Variants in POLA1 observed in about 807,000 individuals in gnomAD.
POLA1 encodes the protein DNA polymerase alpha 1, catalytic subunit, also known as DNA polymerase alpha catalytic subunit.
In POLA1, 15 loss-of-function variants were observed where a neutral mutation model predicts 124.0. The ratio of observed to expected loss-of-function variants is 0.12; its 90% CI spans 0.08 to 0.19. POLA1 has a LOEUF of 0.19. POLA1 is among the 10% of genes least tolerant of loss of function. The pLI is 1.00. For synonymous variants in POLA1, 408 were observed against 389.4 expected, an observed-to-expected ratio of 1.05 and a Z score of -0.56; for missense variants, 886 against 1,103.4, an observed-to-expected ratio of 0.80 and a Z score of 2.79.
chrX:24,857,977 A>G (rs185495098), intron 34 of POLA1, among the ~76,000 whole-genome samples: 2 of 111,976 alleles, frequency 1.8e-5, no homozygotes, highest in African/African-American at 6.5e-5. Context: ...ACCATGTGCT[A>G]TATATGAGAA....
Position 24,951,648 on chromosome X carries a change from A to G in POLA1, c.4261+21099A>G, listed in dbSNP as rs187685347. ...CCATTTCTTGTTATTTTAAAAATGT[A>G]TTTCTGTGTCCCTATAAGGGTCTTC... On this transcript the variant is annotated intron_variant, in intron 36 of 36. Coordinates refer to ENST00000379068, the MANE Select transcript of POLA1 (RefSeq NM_001330360.2). 7.2e-5 allele frequency among the ~76,000 whole-genome samples: 8 copies of G among 111,112 alleles called. No homozygotes were observed. The East Asian group carries it at 2.3e-3, about 31-fold the overall frequency.
chrX:24,807,304 G>C (rs553741158), intron 26 of POLA1, among the ~76,000 whole-genome samples: 1 of 112,249 alleles, frequency 8.9e-6, no homozygotes, highest in Admixed American at 9.4e-5. Flanking sequence ...TTACGTTATG[G>C]TGTTGTCCAT....
At chrX:24,969,674 G>C (rs767698923) in intron 36 of POLA1, among the ~76,000 whole-genome samples, 1 of 110,832 alleles carries the variant, frequency 9.0e-6, no homozygotes, top group Admixed American at 9.6e-5. Flanking sequence ...TTTAAGTTCA[G>C]GGGTGTATGT....
intron 26 of POLA1, among the ~76,000 whole-genome samples, chrX:24,800,403 T>C (rs888547884): frequency 2.7e-5 from 3 of 111,968 alleles, no homozygotes; most frequent in Admixed American, 9.5e-5. Context: ...TAATACCTAC[T>C]GCTCCAGTTT....
At chrX:24,798,766 CT>C (rs1180123948) in intron 26 of POLA1, among the ~76,000 whole-genome samples, 1 of 111,224 alleles carries the variant, frequency 9.0e-6, no homozygotes, top group African/African-American at 3.3e-5. Context: ...ATTGGTGCCC[CT>C]AACCTCCGCA....
At chrX:24,972,266 T>C (rs1229628840) in intron 36 of POLA1, among the ~76,000 whole-genome samples, 2 of 112,312 alleles carry the variant, frequency 1.8e-5, no homozygotes, top group Non-Finnish European at 3.8e-5. Context: ...CCACCGGGCC[T>C]GGCCGGAGGA....
chrX:24,866,504 A>G (rs1055185275), intron 34 of POLA1, among the ~76,000 whole-genome samples: 2 of 111,976 alleles, frequency 1.8e-5, no homozygotes, highest in Non-Finnish European at 3.8e-5. Flanking sequence ...TTGAAACTTC[A>G]CTTCTGTTTA....
chrX:24,707,271 C>G (rs997717211), intron 4 of POLA1, among the ~76,000 whole-genome samples: 5 of 112,142 alleles, frequency 4.5e-5, no homozygotes, highest in African/African-American at 1.3e-4. Flanking sequence ...TTTTTGTCAG[C>G]TGTAAATTAG....
In POLA1 at chrX:24,718,264, G is replaced by A. The variant is rs1929979911; in HGVS notation, c.1087+506G>A. On this transcript the variant is annotated intron_variant, in intron 10 of 36. Transcript: ENST00000379068. ...ATGGAGCTTATGTTCTAGGAGGGTG[G>A]CAGTGGGTGGGGGCACATTAGCAGT... Among the ~76,000 whole-genome samples the A allele has an allele frequency of 2.7e-5, 3 of 111,828 alleles. No homozygotes were observed. In the Admixed American group the frequency reaches 2.9e-4, roughly 11 times the overall value.
rs764618354 is a variant in POLA1, at chrX:24,947,246, C to CTTTTTTT, written c.4261+16730_4261+16736dup. ...CAGCTGGTTGTTTTCCCTGCAGATT[C>CTTTTTTT]TTTTTTTTTTTTTTTTTTTTTTTTT... On this transcript the variant is annotated intron_variant, in intron 36 of 36. Transcript: ENST00000379068. Among the ~76,000 whole-genome samples, 32 of 21,620 alleles carry CTTTTTTT rather than the reference C, an allele frequency of 1.5e-3. 8 individuals are homozygous for CTTTTTTT. The highest frequency in any genetic ancestry group is 4.5e-3 in the Admixed American group (5 of 1,106). The allele number at this position is 21,620 out of a possible 115,157, so 18.8% of individuals were successfully genotyped here.
intron 31 of POLA1, among the ~76,000 whole-genome samples, chrX:24,825,817 A>G (rs189861742): frequency 3.6e-5 from 4 of 110,881 alleles, no homozygotes; most frequent in Middle Eastern, 9.2e-3. Context: ...GAGCCCTGCC[A>G]CTCTGCTAGG....
At chrX:24,804,913 G>T (rs2045773311) in intron 26 of POLA1, among the ~76,000 whole-genome samples, 3 of 111,836 alleles carry the variant, frequency 2.7e-5, no homozygotes, top group Middle Eastern at 9.3e-3. Flanking sequence ...GTCTTAGGTT[G>T]TTGCTGTTGT....
At chrX:24,877,905 GTTTTTTTTTGTT>G (rs775651228) in intron 34 of POLA1, among the ~76,000 whole-genome samples, 87 of 24,023 alleles carry the variant, frequency 3.6e-3, no homozygotes, top group South Asian at 0.013. Context: ...GAGGGAGGGA[GTTTTTTTTTGTT>G]TTTTTTTTTG....
chrX:24,824,318 G>T (rs1025007959), intron 31 of POLA1, among the ~76,000 whole-genome samples: 1 of 109,986 alleles, frequency 9.1e-6, no homozygotes, highest in African/African-American at 3.3e-5. Context: ...TTTGAGACAG[G>T]GTCTCGCTCT....
At chrX:24,756,562 C>CA (rs1332137846) in intron 26 of POLA1, among the ~76,000 whole-genome samples, 127 of 91,414 alleles carry the variant, frequency 1.4e-3, no homozygotes, top group Middle Eastern at 5.6e-3. Context: ...GACTCCATCT[C>CA]AAAAAAAAAA....
At chrX:24,738,425 G>C (rs1931436426) in intron 19 of POLA1, among the ~76,000 whole-genome samples, 1 of 110,899 alleles carries the variant, frequency 9.0e-6, no homozygotes, top group Admixed American at 9.6e-5. Flanking sequence ...GAATGGAAGG[G>C]AGTTGATGTT....
intron 36 of POLA1, among the ~76,000 whole-genome samples, chrX:24,957,542 G>A (rs1194739817): frequency 6.3e-5 from 7 of 111,545 alleles, no homozygotes; most frequent in Admixed American, 1.9e-4. Context: ...ATGAATATCC[G>A]CACTGTCTAT....
intron 1 of POLA1, among the ~76,000 whole-genome samples, chrX:24,697,618 A>G (rs1237450757): frequency 8.9e-6 from 1 of 112,269 alleles, no homozygotes; most frequent in African/African-American, 3.2e-5. Context: ...TTTAGGCTAT[A>G]GTTTCCAGCA....
At chrX:24,710,638 A>G (rs1311295409) in intron 4 of POLA1, among the ~76,000 whole-genome samples, 1 of 107,553 alleles carries the variant, frequency 9.3e-6, no homozygotes, top group African/African-American at 3.4e-5. Flanking sequence ...GTACTAACCT[A>G]GGAGTGAAAT....
Sources: gnomAD v4.1 joint callset for allele counts (sites outside exome capture counted in the v4.1 genomes callset) on GRCh38, gnomAD v4.1.1 for gene constraint, MANE v1.5 for transcripts, NCBI Gene and HGNC (gene_info 2026-07-23, HGNC 2026-07-21) for gene names.